Variants in TRAPPC13 observed in about 807,000 individuals in gnomAD.
TRAPPC13 encodes trafficking protein particle complex subunit 13, also known as REV7-interacting novel NHEJ regulator 1.
A neutral mutation model predicts 54.0 loss-of-function variants in TRAPPC13; 39 were observed. That is an observed-to-expected ratio of 0.72 (90% confidence interval 0.56 to 0.94). The LOEUF is 0.94. Ranked by LOEUF, TRAPPC13 falls within the 40% of genes least tolerant of loss-of-function variation. TRAPPC13 has a pLI of 0.00. For missense variants in TRAPPC13, 386 were observed against 488.1 expected (o/e 0.79, Z 1.97); for synonymous variants, 148 against 167.7 (o/e 0.88, Z 0.91).
chr5:65,659,450 A>G (rs1024847390), intron 9 of TRAPPC13, among the ~76,000 whole-genome samples: 5 of 152,206 alleles, frequency 3.3e-5, no homozygotes, highest in African/African-American at 1.2e-4. Flanking sequence ...CAGTGAGGTA[A>G]ATATGAATCC....
Position 65,652,513 on chromosome 5 carries a change from T to C in TRAPPC13, c.514T>C (p.Leu172=), listed in dbSNP as rs555796033. The stretch of plus-strand genomic sequence containing the variant: ...TTTATTTAACCAGGTTCTCAAACCA[T>C]TGGATGTGAAAACCAAATTTTACAA... ...KFFKFQVLKP[L]DVKTKFYNAE... is the part of the protein sequence containing the mutation. The change falls in exon 7 of 13, where the codon TTG becomes CTG. Residue 172 remains leucine, a synonymous_variant. Transcript: ENST00000399438. 2.2e-5 allele frequency: 35 copies of C among 1,609,112 alleles called. 1 individual carries two copies. The highest frequency in any genetic ancestry group is 1.1e-4 in the South Asian group (10 of 90,882).
chr5:65,633,986 T>G (rs1298656767), intron 1 of TRAPPC13, among the ~76,000 whole-genome samples: 3 of 134,524 alleles, frequency 2.2e-5, no homozygotes, highest in Admixed American at 7.5e-5. Flanking sequence ...CGTTTTTTTT[T>G]TTTTTTTTTT....
At chr5:65,632,850 C>CTTCAGTTTCTGAAACT (rs1352522399) in intron 1 of TRAPPC13, among the ~76,000 whole-genome samples, 1 of 152,170 alleles carries the variant, frequency 6.6e-6, no homozygotes, top group Non-Finnish European at 1.5e-5. Flanking sequence ...TTTTAATTGC[C>CTTCAGTTTCTGAAACT]TTCAGTTTCT....
intron 4 of TRAPPC13, among the ~76,000 whole-genome samples, chr5:65,645,610 C>T (rs1285192515): frequency 6.6e-6 from 1 of 152,174 alleles, no homozygotes; most frequent in Non-Finnish European, 1.5e-5. Flanking sequence ...CAAGACCATC[C>T]TGGCTAACAC....
Position 65,660,794 on chromosome 5 carries a change from C to T in TRAPPC13, c.794C>T (p.Ala265Val). 1 of 1,613,646 alleles carries T rather than the reference C, an allele frequency of 6.2e-7. No individual in the cohort carries two copies. Among genetic ancestry groups the T allele is most frequent in the Non-Finnish European group, 8.5e-7 (1 of 1,179,734 alleles). Reference protein sequence around the residue: ...LKPKNEFAEKAGIIKGVTVIG... With the variant: ...LKPKNEFAEKVGIIKGVTVIG... ...CCAAAGAATGAATTTGCAGAAAAAG[C>T]AGGCATCATTAAGGGAGTAACAGTA... is the stretch of plus-strand genomic sequence containing the variant. The change falls in exon 10 of 13, where the codon GCA (alanine) becomes GTA (valine). Residue 265 changes from alanine (A) to valine (V), a missense_variant. Ala to Val is a moderately conservative substitution (Grantham distance 64). Transcript: ENST00000399438.
chr5:65,640,807 A>AT (rs1755935619), intron 4 of TRAPPC13, among the ~76,000 whole-genome samples: 3 of 152,242 alleles, frequency 2.0e-5, no homozygotes. Flanking sequence ...GTTCTAAAAC[A>AT]TGATTTTATA....
rs190471172 is a variant in TRAPPC13 at position 65,633,372 on chromosome 5, C to T, written c.47-1929C>T. 5.2e-3 allele frequency among the ~76,000 whole-genome samples: 788 copies of T among 152,154 alleles called. 4 individuals are homozygous for T. Among genetic ancestry groups the T allele is most frequent in the Middle Eastern group, 0.034 (10 of 294 alleles). On this transcript the variant is annotated intron_variant, in intron 1 of 12. Transcript: ENST00000399438. ...TCAGCTCACTGCAAGCTCCGCCTCC[C>T]GGGTTCACGCCATTCTCCTGCCTCA...
At chr5:65,636,165 A>G in intron 3 of TRAPPC13, 122 bp downstream of exon 3, 2 of 627,266 alleles carry the variant, frequency 3.2e-6, no homozygotes, top group African/African-American at 2.0e-5. Context: ...TTTTTCTGAG[A>G]TGGAGTCTCG....
intron 4 of TRAPPC13, among the ~76,000 whole-genome samples, chr5:65,640,059 C>T (rs892730959): frequency 3.9e-5 from 6 of 152,148 alleles, no homozygotes; most frequent in Non-Finnish European, 5.9e-5. Context: ...TGTGCATACA[C>T]GTACATATGT....
chr5:65,660,308 T>C (rs1225158073), intron 9 of TRAPPC13, among the ~76,000 whole-genome samples: 1 of 151,904 alleles, frequency 6.6e-6, no homozygotes, highest in East Asian at 1.9e-4. Context: ...TTATAAGTAA[T>C]ATATTACATT....
intron 7 of TRAPPC13, 148 bp downstream of exon 7, chr5:65,652,693 AATAATTTTATTATAGGTCTC>A: frequency 1.4e-6 from 1 of 711,008 alleles, no homozygotes; most frequent in Non-Finnish European, 2.6e-6. Context: ...GTTAAAATTG[AATAATTTTATTATAGGTCTC>A]ATAATCTTTT....
At chr5:65,655,520 C>A (rs1756620538) in intron 7 of TRAPPC13, 116 bp from the exon 8 acceptor site, 2 of 306,730 alleles carry the variant, frequency 6.5e-6, no homozygotes, top group Non-Finnish European at 1.2e-5. Context: ...TTTACTAATG[C>A]TGTCTTGTTT....
chr5:65,628,633 G>T (rs190651728), intron 1 of TRAPPC13, among the ~76,000 whole-genome samples: 1 of 150,460 alleles, frequency 6.6e-6, no homozygotes, highest in African/African-American at 2.5e-5. Context: ...CACCACAGCC[G>T]GCTATTTTTT....
chr5:65,649,549 T>C (rs909324740), intron 5 of TRAPPC13, among the ~76,000 whole-genome samples: 1 of 152,210 alleles, frequency 6.6e-6, no homozygotes, highest in Non-Finnish European at 1.5e-5. Context: ...ACCTCATTAT[T>C]TTAACGTGTT....
chr5:65,628,461 A>AT lies in TRAPPC13; in HGVS notation c.46+3371dup, dbSNP rs753065631. Reference sequence around the variant, plus strand: ...ATATTTGTTTGGTGGAATCCATATAATTTTTTTTTTTTTTTTGAGACGGAG... The same window carrying AT: ...ATATTTGTTTGGTGGAATCCATATAATTTTTTTTTTTTTTTTTGAGACGGAG... On this transcript the variant is annotated intron_variant, in intron 1 of 12. Transcript: ENST00000399438. Among the ~76,000 whole-genome samples the AT allele has an allele frequency of 4.7e-3, 668 of 143,452 alleles. 7 individuals carry two copies. The highest frequency in any genetic ancestry group is 5.7e-3 in the African/African-American group (222 of 39,292). The allele number at this position is 143,452 out of a possible 152,430, so 94.1% of individuals were successfully genotyped here. A position where few individuals can be genotyped will look rare whatever the true frequency, so the allele number is the denominator to read the frequency against.
chr5:65,629,561 C>T (rs1755431850), intron 1 of TRAPPC13: 1 of 1,492,488 alleles, frequency 6.7e-7, no homozygotes, highest in Non-Finnish European at 8.9e-7. Flanking sequence ...ATTTTCTCAT[C>T]ACTAAGAGTA....
At position 65,665,998 on chromosome 5, in the gene TRAPPC13, A is replaced by G. The variant is rs1757026294; in HGVS notation, c.*1387A>G. 1 of 152,612 alleles carries G rather than the reference A, an allele frequency of 6.6e-6. No homozygotes were observed. The highest frequency in any genetic ancestry group is 2.1e-4 in the South Asian group (1 of 4,834). 9.5% of individuals were successfully genotyped at this position (152,612 alleles called of 1,614,324 possible). A position where few individuals can be genotyped will look rare whatever the true frequency, so the allele number is the denominator to read the frequency against. The stretch of plus-strand genomic sequence containing the variant: ...GGTCCAAAATGAAAGCTATATTCAG[A>G]AGGTTTGCACCTCAAAATTGAGTAA... On this transcript the variant is annotated 3_prime_UTR_variant, in exon 13 of 13. Transcript: ENST00000399438.
At chr5:65,639,961 A>G (rs866291796) in intron 4 of TRAPPC13, among the ~76,000 whole-genome samples, 3 of 152,354 alleles carry the variant, frequency 2.0e-5, no homozygotes, top group Non-Finnish European at 2.9e-5. Context: ...TCTAATTAGA[A>G]TGAGTTTGAA....
chr5:65,650,001 TGCCC>T lies in TRAPPC13; in HGVS notation c.429-805_429-802del, dbSNP rs1756366574. ...ACTCCCGAGTAGCTGGGACTACAGGTGCCCGCCACCATGCCCAGCTGATTTTTTG... is the reference window on the plus strand; with the variant it reads ...ACTCCCGAGTAGCTGGGACTACAGGTGCCACCATGCCCAGCTGATTTTTTG... On this transcript the variant is annotated intron_variant, in intron 5 of 12. Transcript: ENST00000399438. 2.0e-5 allele frequency among the ~76,000 whole-genome samples: 3 copies of T among 146,938 alleles called. No individual in the cohort carries two copies. In the South Asian group the frequency reaches 6.5e-4, roughly 32 times the overall value.
Sources: allele counts gnomAD v4.1 joint callset (sites outside exome capture counted in the v4.1 genomes callset), GRCh38; gene constraint gnomAD v4.1.1; transcripts MANE v1.5; gene names NCBI Gene and HGNC (gene_info 2026-07-23, HGNC 2026-07-21).